ZNF274: variants seen among roughly 807,000 people sequenced by gnomAD.
ZNF274 encodes neurotrophin receptor-interacting factor homolog.
A neutral mutation model predicts 42.5 loss-of-function variants in ZNF274; 23 were observed. That is an observed-to-expected ratio of 0.54 (90% CI 0.39 to 0.77). ZNF274 has a LOEUF of 0.77. Ranked by LOEUF, ZNF274 falls within the 30% of genes least tolerant of loss-of-function variation. The pLI, the probability that ZNF274 is intolerant of heterozygous loss-of-function variation, is 0.00. For synonymous variants in ZNF274, 292 were observed against 305.4 expected (o/e 0.96, Z 0.46); for missense variants, 679 against 806.5 (o/e 0.84, Z 1.91).
intron 4 of ZNF274, among the ~76,000 whole-genome samples, chr19:58,204,591 T>G (rs1000367741): frequency 6.6e-6 from 1 of 152,130 alleles, no homozygotes; most frequent in African/African-American, 2.4e-5. Flanking sequence ...GCTTTTTTAT[T>G]TTTAACGTAG....
rs756366044 is a variant in ZNF274 at position 58,207,519 on chromosome 19, G to A, written c.739+317G>A. Among the ~76,000 whole-genome samples, 1 of 152,198 alleles carries A rather than the reference G, an allele frequency of 6.6e-6. No homozygotes were observed. The highest frequency in any genetic ancestry group is 1.5e-5 in the Non-Finnish European group (1 of 68,034). ...TGGGAATACTGAGCTCAGAGAGCCC[G>A]CAGTAGCAGGAGAGACAGGGATTTG... On this transcript the variant is annotated intron_variant, in intron 5 of 7. Transcript: ENST00000617501. This position sits in a 1 kb window ranked among gnomAD's most constrained non-coding sequence, Gnocchi z 5.6.
chr19:58,195,236 T>TGC (rs1162476697), intron 4 of ZNF274, among the ~76,000 whole-genome samples: 1 of 145,608 alleles, frequency 6.9e-6, no homozygotes, highest in Non-Finnish European at 1.5e-5. Flanking sequence ...TGTATATATG[T>TGC]GTGTGTATAT....
At chr19:58,186,408 C>T (rs982938039) in intron 3 of ZNF274, among the ~76,000 whole-genome samples, 2 of 151,576 alleles carry the variant, frequency 1.3e-5, no homozygotes, top group Non-Finnish European at 2.9e-5. Context: ...AAAAATTAGC[C>T]GAGCACCCCA....
chr19:58,183,451 C>A lies in ZNF274; in HGVS notation c.-46+9C>A, dbSNP rs889204759. On this transcript the variant is annotated intron_variant, in intron 1 of 7. Coordinates refer to ENST00000617501, the MANE Select transcript of ZNF274 (RefSeq NM_133502.3). ...TGTGCGGCGCGCGCCGGGTGAGTGCCGCGCGAAACCTGCGTCCGTCGGGGG... is the reference window on the plus strand; with the variant it reads ...TGTGCGGCGCGCGCCGGGTGAGTGCAGCGCGAAACCTGCGTCCGTCGGGGG... 1 of 152,514 alleles carries A rather than the reference C, an allele frequency of 6.6e-6. No homozygotes were observed. The allele number at this position is 152,514 out of a possible 1,614,324, so 9.4% of individuals were successfully genotyped here.
At position 58,207,172 on chromosome 19, in the gene ZNF274, G is replaced by A; in HGVS notation, c.709G>A (p.Glu237Lys). 2 of 1,613,026 alleles carry A rather than the reference G, an allele frequency of 1.2e-6. No homozygotes were observed. The highest frequency in any genetic ancestry group is 1.7e-6 in the Non-Finnish European group (2 of 1,179,470). ...ENCQEVVALV[E>K]GVTWMSEEEV... is the part of the protein sequence containing the mutation. Reference sequence around the variant, plus strand: ...CTGCCAAGAGGTGGTGGCCCTGGTAGAGGGTGTGACCTGGATGTCTGAGGA... The same window carrying A: ...CTGCCAAGAGGTGGTGGCCCTGGTAAAGGGTGTGACCTGGATGTCTGAGGA... The change falls in exon 5 of 8, where the codon GAG becomes AAG. Residue 237 changes from glutamate (E) to lysine (K), a missense_variant. By Grantham distance (56) the Glu-to-Lys change is moderately conservative. Coordinates refer to ENST00000617501, the MANE Select transcript of ZNF274 (RefSeq NM_133502.3). This position sits in a 1 kb window ranked among gnomAD's most constrained non-coding sequence, Gnocchi z 5.6.
Position 58,212,389 on chromosome 19 carries a change from G to T in ZNF274, c.1208G>T (p.Arg403Leu). 1 of 1,613,808 alleles carries T rather than the reference G, an allele frequency of 6.2e-7. No individual in the cohort carries two copies. The highest frequency in any genetic ancestry group is 8.5e-7 in the Non-Finnish European group (1 of 1,179,842). The change falls in exon 8 of 8, where the codon CGT (arginine) becomes CTT (leucine). Residue 403 changes from arginine to leucine, a missense_variant. This residue lies in a region of ZNF274 where 456 missense variants were observed against 590.1 expected (regional missense o/e 0.77). Coordinates refer to ENST00000617501, the MANE Select transcript of ZNF274 (RefSeq NM_133502.3). This position sits in a 1 kb window ranked among gnomAD's most constrained non-coding sequence, Gnocchi z 4.6. ...DLPQKKHFDNRESQANSGALD... is the reference protein window; with the variant it reads ...DLPQKKHFDNLESQANSGALD... ...CCTCAGAAGAAGCACTTTGACAACCGTGAGTCCCAGGCAAACAGTGGTGCT... is the reference window on the plus strand; with the variant it reads ...CCTCAGAAGAAGCACTTTGACAACCTTGAGTCCCAGGCAAACAGTGGTGCT...
chr19:58,190,835 T>C (rs2075771411), intron 4 of ZNF274, among the ~76,000 whole-genome samples: 1 of 152,200 alleles, frequency 6.6e-6, no homozygotes, highest in Non-Finnish European at 1.5e-5. Flanking sequence ...TCTGGCAGTA[T>C]TGAGCTGTGA....
chr19:58,198,923 A>G (rs1159305980), intron 4 of ZNF274, among the ~76,000 whole-genome samples: 2 of 150,226 alleles, frequency 1.3e-5, no homozygotes, highest in South Asian at 2.1e-4. Flanking sequence ...TGGCTCACCC[A>G]TCTCAGCACC....
intron 4 of ZNF274, among the ~76,000 whole-genome samples, chr19:58,203,311 C>T (rs893972060): frequency 3.6e-4 from 55 of 152,240 alleles, no homozygotes; most frequent in African/African-American, 1.2e-3. Context: ...GGGCTGGGCA[C>T]GGTGGCTCAC....
chr19:58,207,157 G>T lies in ZNF274; in HGVS notation c.694G>T (p.Val232Leu). The change falls in exon 5 of 8, where the codon GTG (valine) becomes TTG (leucine). Residue 232 changes from valine to leucine, a missense_variant. By Grantham distance (32) the Val-to-Leu change is conservative (BLOSUM62 1). Around this residue, in one of 2 missense-constraint regions of ZNF274, gnomAD observed 456 missense variants for 590.1 expected, o/e 0.77. Coordinates refer to ENST00000617501, the MANE Select transcript of ZNF274 (RefSeq NM_133502.3). This position sits in a 1 kb window ranked among gnomAD's most constrained non-coding sequence, Gnocchi z 5.6. ...ESQHPENCQE[V>L]VALVEGVTWM... ...GCAGCACCCAGAGAACTGCCAAGAG[G>T]TGGTGGCCCTGGTAGAGGGTGTGAC... 4 of 1,613,386 alleles carry T rather than the reference G, an allele frequency of 2.5e-6. No individual in the cohort carries two copies. The highest frequency in any genetic ancestry group is 3.4e-6 in the Non-Finnish European group (4 of 1,179,662).
In ZNF274 at chr19:58,211,419, G is replaced by A. The variant is rs543195872; in HGVS notation, c.853-141G>A. ...TAGAACTCTTGTGGGCCCTGGGTTGGTGTCTCTGAGCAAATCCCCAAAGCA... is the reference window on the plus strand; with the variant it reads ...TAGAACTCTTGTGGGCCCTGGGTTGATGTCTCTGAGCAAATCCCCAAAGCA... On this transcript the variant is annotated intron_variant, in intron 6 of 7. Transcript: ENST00000617501. The surrounding 1 kb of genome is among the most constrained non-coding windows in gnomAD (Gnocchi z 4.8). The A allele has an allele frequency of 4.8e-5, 54 of 1,116,982 alleles. No homozygotes were observed. Among genetic ancestry groups the A allele is most frequent in the Non-Finnish European group, 5.9e-5 (48 of 809,860 alleles). The allele number at this position is 1,116,982 out of a possible 1,614,324, so 69.2% of individuals were successfully genotyped here.
intron 4 of ZNF274, among the ~76,000 whole-genome samples, chr19:58,195,215 ATATATGTGTGTG>A (rs1270852622): frequency 7.7e-6 from 1 of 130,566 alleles, no homozygotes; most frequent in Non-Finnish European, 1.6e-5. Context: ...AAAAATACAC[ATATATGTGTGTG>A]TATATATGTG....
At chr19:58,205,572 C>T (rs138422813) in intron 4 of ZNF274, among the ~76,000 whole-genome samples, 1 of 152,154 alleles carries the variant, frequency 6.6e-6, no homozygotes, top group South Asian at 2.1e-4. Context: ...TGGCGTGAAG[C>T]GAATCTCCTG....
chr19:58,198,124 AAAG>A (rs1262346656), intron 4 of ZNF274, among the ~76,000 whole-genome samples: 8 of 152,354 alleles, frequency 5.3e-5, no homozygotes, highest in South Asian at 2.1e-4. Context: ...TAAGAAAAAA[AAAG>A]AAGAATAAAT....
chr19:58,199,339 C>G (rs1047554987), intron 4 of ZNF274, among the ~76,000 whole-genome samples: 3 of 151,852 alleles, frequency 2.0e-5, no homozygotes, highest in Non-Finnish European at 4.4e-5. Context: ...ACACTTCAGC[C>G]TGGGCGACAG....
At chr19:58,184,106 T>C (rs2075666272) in intron 2 of ZNF274, 108 bp downstream of exon 2, 1 of 1,279,400 alleles carries the variant, frequency 7.8e-7, no homozygotes, top group Non-Finnish European at 1.1e-6. Context: ...CCAGAGCACC[T>C]CGGGGAGGGG....
At chr19:58,190,179 C>T (rs1232258645) in intron 4 of ZNF274, among the ~76,000 whole-genome samples, 7 of 136,034 alleles carry the variant, frequency 5.1e-5, no homozygotes, top group Admixed American at 7.7e-5. Context: ...GAGATGGAGT[C>T]TCCCTCTGCC....
intron 4 of ZNF274, among the ~76,000 whole-genome samples, chr19:58,188,615 AAAAAAATAT>A (rs1461530438): frequency 1.6e-3 from 97 of 58,848 alleles, no homozygotes; most frequent in African/African-American, 6.3e-3. Context: ...CAAAAAAAAA[AAAAAAATAT>A]ATATATATAT....
intron 4 of ZNF274, among the ~76,000 whole-genome samples, chr19:58,194,852 A>G (rs908214605): frequency 6.6e-6 from 1 of 151,814 alleles, no homozygotes; most frequent in Non-Finnish European, 1.5e-5. Flanking sequence ...AATACAAAAA[A>G]TAGCCGGGCA....
Sources: gnomAD v4.1 joint callset for allele counts (sites outside exome capture counted in the v4.1 genomes callset) on GRCh38, gnomAD v4.1.1 for gene constraint, gnomAD v4.1.1 regional missense constraint, Gnocchi (gnomAD v3.1) non-coding constraint, MANE v1.5 for transcripts, NCBI Gene and HGNC (gene_info 2026-07-23, HGNC 2026-07-21) for gene names.